Variants in MROH7 observed in about 807,000 individuals in gnomAD.
MROH7 encodes the protein maestro heat-like repeat-containing protein family member 7.
A neutral mutation model predicts 129.2 loss-of-function variants in MROH7; 113 were observed. That is an observed-to-expected ratio of 0.87 (90% CI 0.75 to 1.02). The LOEUF (loss-of-function observed/expected upper bound fraction) is 1.02, where lower values mean the gene tolerates loss of function less well. Among genes scored for constraint, MROH7 ranks in the 50% least tolerant of loss-of-function variants. The pLI is 0.00. For missense variants in MROH7, 1,601 were observed against 1,671.3 expected (o/e 0.96, Z 0.73); for synonymous variants, 655 against 667.9 (o/e 0.98, Z 0.30).
chr1:54,701,670 A>G (rs1443890884), intron 19 of MROH7, among the ~76,000 whole-genome samples: 1 of 152,202 alleles, frequency 6.6e-6, no homozygotes, highest in Non-Finnish European at 1.5e-5. Context: ...TCCTGGCTCA[A>G]GCAGTTCTCC....
Position 54,700,423 on chromosome 1 carries a change from A to C in MROH7, c.3067A>C (p.Ile1023Leu). ...HHDPIMKVLS[I>L]RGLVILARRS... Reference sequence around the variant, plus strand: ...CGACCCCATCATGAAGGTGCTGTCCATTCGAGGCCTGGTCATCCTGGCCCG... The same window carrying C: ...CGACCCCATCATGAAGGTGCTGTCCCTTCGAGGCCTGGTCATCCTGGCCCG... Residue 1023 changes from isoleucine (I) to leucine (L), a missense_variant, in exon 18 of 24, where the codon ATT becomes CTT. Ile to Leu is a conservative substitution (Grantham distance 5). Coordinates refer to ENST00000421030, the MANE Select transcript of MROH7 (RefSeq NM_001039464.4). 6.2e-7 allele frequency: 1 copy of C among 1,610,562 alleles called. No individual in the cohort carries two copies. The highest frequency in any genetic ancestry group is 8.5e-7 in the Non-Finnish European group (1 of 1,177,902).
chr1:54,645,734 G>T (rs1347139746), intron 1 of MROH7, among the ~76,000 whole-genome samples: 1 of 147,108 alleles, frequency 6.8e-6, no homozygotes, highest in Non-Finnish European at 1.5e-5. Context: ...CTCACCGCAG[G>T]CTTGCCTCCC....
intron 1 of MROH7, among the ~76,000 whole-genome samples, chr1:54,648,423 T>A (rs1644505151): frequency 6.6e-6 from 1 of 151,884 alleles, no homozygotes; most frequent in African/African-American, 2.4e-5. Flanking sequence ...TAGAGTGCAG[T>A]GGCGCAATCT....
At chr1:54,704,429 A>ATTT (rs34380712) in intron 21 of MROH7, among the ~76,000 whole-genome samples, 5 of 112,274 alleles carry the variant, frequency 4.5e-5, no homozygotes, top group Non-Finnish European at 8.8e-5. Flanking sequence ...CTAGAAACCT[A>ATTT]TTTTTTTTTT....
chr1:54,656,459 G>A (rs1400735276), intron 3 of MROH7, among the ~76,000 whole-genome samples: 3 of 141,314 alleles, frequency 2.1e-5, no homozygotes, highest in Non-Finnish European at 3.0e-5. Context: ...GCAGTGAGCC[G>A]AGATTGAGCC....
At chr1:54,709,912 T>A in intron 23 of MROH7, 34 bp from the exon 24 acceptor site, 1 of 1,599,750 alleles carries the variant, frequency 6.3e-7, no homozygotes, top group South Asian at 1.1e-5. Flanking sequence ...GCCCTGGGTC[T>A]TAATAGGAGG....
chr1:54,653,112 T>A lies in MROH7; in HGVS notation c.186T>A (p.Asn62Lys). ...SPGLALVPDL[N>K]DSLSPVSGEA... is the part of the protein sequence containing the mutation. ...GCTTGGCTCTCGTTCCAGATCTTAA[T>A]GATTCTTTGAGTCCAGTCTCAGGGG... The change falls in exon 3 of 24, where the codon AAT becomes AAA. Residue 62 changes from asparagine to lysine, a missense_variant. Coordinates refer to ENST00000421030, the MANE Select transcript of MROH7 (RefSeq NM_001039464.4). 1.9e-6 allele frequency: 3 copies of A among 1,614,198 alleles called. No homozygotes were observed. In the South Asian group the frequency reaches 3.3e-5, roughly 18 times the overall value.
chr1:54,705,008 A>G (rs765568664), intron 21 of MROH7, among the ~76,000 whole-genome samples: 84 of 151,204 alleles, frequency 5.6e-4, no homozygotes, highest in Non-Finnish European at 1.2e-4. Context: ...CATGTTGGTC[A>G]GACTGGTCTT....
intron 16 of MROH7, among the ~76,000 whole-genome samples, chr1:54,694,422 T>G (rs1396297457): frequency 6.6e-6 from 1 of 152,238 alleles, no homozygotes; most frequent in Non-Finnish European, 1.5e-5. Flanking sequence ...AAAACACTGG[T>G]TGCTGTGCCC....
chr1:54,681,561 C>T (rs1252662608), intron 13 of MROH7, among the ~76,000 whole-genome samples: 1 of 152,180 alleles, frequency 6.6e-6, no homozygotes. Context: ...CATACTGTAT[C>T]AGGTTGCCAG....
At chr1:54,660,411 A>G (rs1258965500) in intron 3 of MROH7, among the ~76,000 whole-genome samples, 1 of 152,178 alleles carries the variant, frequency 6.6e-6, no homozygotes, top group Non-Finnish European at 1.5e-5. Flanking sequence ...TTTGAAGGGG[A>G]CACAAATATT....
chr1:54,647,261 T>G (rs1644481557), intron 1 of MROH7, among the ~76,000 whole-genome samples: 1 of 152,198 alleles, frequency 6.6e-6, no homozygotes, highest in Non-Finnish European at 1.5e-5. Flanking sequence ...AGTTTTATAG[T>G]TTTTGCTCTT....
chr1:54,651,450 G>A (rs1644553595), intron 1 of MROH7: 1 of 152,566 alleles, frequency 6.6e-6, no homozygotes, highest in South Asian at 2.1e-4. Context: ...GCTGGGGAAG[G>A]GGAGTGGAGA....
chr1:54,685,426 G>A (rs949528494), intron 14 of MROH7, among the ~76,000 whole-genome samples: 1 of 152,240 alleles, frequency 6.6e-6, no homozygotes, highest in Non-Finnish European at 1.5e-5. Context: ...GCCGGATGAT[G>A]ATCAGTGACT....
rs1274198961 is a variant in MROH7, at chr1:54,670,812, C to T, written c.1482C>T (p.Pro494=). The change falls in exon 7 of 24, where the codon CCC becomes CCT. Residue 494 remains proline, a synonymous_variant. Transcript: ENST00000421030. ...EILTQLSHTQ[P]TLGMRERSEL... ...GCCTCTTCTCCAGCCACACCCAGCC[C>T]ACCCTGGGCATGCGGGAGAGGTCGG... is the stretch of plus-strand genomic sequence containing the variant. The T allele has an allele frequency of 1.9e-6, 3 of 1,614,010 alleles. No individual in the cohort carries two copies. The highest frequency in any genetic ancestry group is 2.2e-5 in the South Asian group (2 of 91,016).
chr1:54,694,142 A>G (rs1256341712), intron 16 of MROH7, among the ~76,000 whole-genome samples: 1 of 152,214 alleles, frequency 6.6e-6, no homozygotes, highest in Non-Finnish European at 1.5e-5. Flanking sequence ...TTGGCCTCCC[A>G]AAGTGTTCGG....
At chr1:54,700,191 T>C (rs771599277) in intron 17 of MROH7, 130 bp from the exon 18 acceptor site, 1 of 1,166,538 alleles carries the variant, frequency 8.6e-7, no homozygotes, top group Non-Finnish European at 1.3e-6. Context: ...CAGCAATCTG[T>C]TGGTTTTGCA....
chr1:54,689,593 A>C (rs1243776060), intron 15 of MROH7, among the ~76,000 whole-genome samples: 2 of 152,200 alleles, frequency 1.3e-5, no homozygotes, highest in Non-Finnish European at 2.9e-5. Flanking sequence ...TAATGAGTGC[A>C]ACAATTACCC....
intron 18 of MROH7, 144 bp from the exon 19 acceptor site, chr1:54,700,999 A>G (rs1252165031): frequency 1.5e-5 from 13 of 852,114 alleles, no homozygotes; most frequent in Non-Finnish European, 2.4e-5. Context: ...GGGTGAGGGT[A>G]TTCCAGGCAG....
Sources: gnomAD v4.1 joint callset for allele counts (sites outside exome capture counted in the v4.1 genomes callset) on GRCh38, gnomAD v4.1.1 for gene constraint, MANE v1.5 for transcripts, NCBI Gene and HGNC (gene_info 2026-07-23, HGNC 2026-07-21) for gene names.